The following RGS6 variants were observed in gnomAD, a reference collection of about 807,000 sequenced individuals.
The protein encoded by RGS6 is regulator of G-protein signaling 6.
In RGS6, 30 loss-of-function variants were observed where a neutral mutation model predicts 78.5. That is an observed-to-expected ratio of 0.38 (90% CI 0.29 to 0.52). The LOEUF (loss-of-function observed/expected upper bound fraction) is 0.52, where lower values mean the gene tolerates loss of function less well. Among genes scored for constraint, RGS6 ranks in the 20% least tolerant of loss-of-function variants. The pLI is 0.85. For synonymous variants in RGS6, 206 were observed against 206.0 expected (o/e 1.00, Z 0.00); for missense variants, 495 against 609.7 (o/e 0.81, Z 1.98).
intron 2 of RGS6, among the ~76,000 whole-genome samples, chr14:71,982,726 G>T (rs576840313): frequency 1.3e-5 from 2 of 152,328 alleles, no homozygotes; most frequent in Admixed American, 6.5e-5. Context: ...AGCTCCAATT[G>T]CTGGGCTCAT....
chr14:72,569,267 A>C (rs895738488), downstream of RGS6, among the ~76,000 whole-genome samples: 17 of 152,200 alleles, frequency 1.1e-4, no homozygotes, highest in African/African-American at 4.1e-4. Context: ...CAAAATAGGG[A>C]ATAATTTCAT....
chr14:71,906,353 T>C, the RGS6 span, among the ~76,000 whole-genome samples: 1 of 152,170 alleles, frequency 6.6e-6, no homozygotes, highest in Non-Finnish European at 1.5e-5. Flanking sequence ...TGGCTCCAGA[T>C]CCACCTTACC....
At chr14:72,008,945 T>A (rs904753387) in intron 2 of RGS6, among the ~76,000 whole-genome samples, 3 of 152,038 alleles carry the variant, frequency 2.0e-5, no homozygotes, top group African/African-American at 7.3e-5. Flanking sequence ...TGGATAAGAG[T>A]GGTTCACTGT....
intron 2 of RGS6, among the ~76,000 whole-genome samples, chr14:72,336,470 A>G (rs910292544): frequency 5.3e-5 from 8 of 152,064 alleles, no homozygotes; most frequent in African/African-American, 1.9e-4. Flanking sequence ...AGTTTGGCTC[A>G]TGGAAAGCTG....
chr14:72,067,277 C>T (rs1203498163), intron 2 of RGS6, among the ~76,000 whole-genome samples: 1 of 152,002 alleles, frequency 6.6e-6, no homozygotes, highest in East Asian at 1.9e-4. Context: ...CACGTGGATG[C>T]AGGGAGGGGA....
At chr14:71,942,581 G>C (rs1444040572) in intron 1 of RGS6, among the ~76,000 whole-genome samples, 2 of 152,170 alleles carry the variant, frequency 1.3e-5, no homozygotes, top group Admixed American at 6.5e-5. Context: ...TGAAGTAGCA[G>C]CATCAGAAGT....
intron 2 of RGS6, among the ~76,000 whole-genome samples, chr14:72,221,898 C>G (rs1404873654): frequency 1.3e-5 from 2 of 152,140 alleles, no homozygotes; most frequent in Non-Finnish European, 2.9e-5. Context: ...TTTGCAGCTC[C>G]ATGGGAAGAA....
chr14:72,556,665 C>T (rs1290191039), intron 17 of RGS6, among the ~76,000 whole-genome samples: 1 of 103,964 alleles, frequency 9.6e-6, no homozygotes, highest in Non-Finnish European at 1.7e-5. Context: ...TACCACTGTA[C>T]ATGAGAAGGT....
chr14:72,318,417 C>T (rs554257436), intron 2 of RGS6, among the ~76,000 whole-genome samples: 1 of 106,536 alleles, frequency 9.4e-6, no homozygotes, highest in Non-Finnish European at 2.0e-5. Context: ...GCCACACCCT[C>T]ACAGACACAC....
chr14:72,377,335 A>T (rs1321272540), intron 3 of RGS6, among the ~76,000 whole-genome samples: 1 of 152,238 alleles, frequency 6.6e-6, no homozygotes, highest in Non-Finnish European at 1.5e-5. Context: ...AGATTAATTC[A>T]GCAAGAGAAT....
intron 2 of RGS6, among the ~76,000 whole-genome samples, chr14:72,068,368 C>T (rs920988358): frequency 1.3e-5 from 2 of 151,876 alleles, no homozygotes; most frequent in African/African-American, 4.8e-5. Flanking sequence ...CTTGTGAGCT[C>T]AGGCCATCTG....
intron 2 of RGS6, among the ~76,000 whole-genome samples, chr14:72,250,966 AG>A (rs2055599936): frequency 6.6e-6 from 1 of 152,212 alleles, no homozygotes; most frequent in Admixed American, 6.5e-5. Flanking sequence ...TAAGCATGGA[AG>A]CCATACAAAA....
intron 2 of RGS6, among the ~76,000 whole-genome samples, chr14:72,345,093 G>T (rs1192841600): frequency 6.6e-6 from 1 of 152,212 alleles, no homozygotes; most frequent in African/African-American, 2.4e-5. Flanking sequence ...GCAGTGATCT[G>T]TTGAGGTCTT....
intron 15 of RGS6, among the ~76,000 whole-genome samples, chr14:72,520,043 C>T (rs950909737): frequency 3.9e-5 from 6 of 152,220 alleles, no homozygotes; most frequent in Non-Finnish European, 5.9e-5. Flanking sequence ...CATCAGTACA[C>T]GTCTGATCTT....
chr14:72,543,744 TC>T (rs1224420276), intron 17 of RGS6, among the ~76,000 whole-genome samples: 3 of 152,218 alleles, frequency 2.0e-5, no homozygotes. Flanking sequence ...ATGCTCACCC[TC>T]CCACTGCTTC....
intron 2 of RGS6, among the ~76,000 whole-genome samples, chr14:72,298,453 T>A (rs1213898557): frequency 3.9e-4 from 27 of 69,542 alleles, no homozygotes; most frequent in African/African-American, 3.5e-3. Context: ...TTTTTTTTTT[T>A]TTCCCCCCCT....
At chr14:72,257,029 A>G (rs2153869849) in intron 2 of RGS6, among the ~76,000 whole-genome samples, 1 of 152,290 alleles carries the variant, frequency 6.6e-6, no homozygotes, top group East Asian at 1.9e-4. Context: ...TTACATGAAG[A>G]TGCTTTCTAC....
At chr14:72,285,996 G>A (rs1287191778) in intron 2 of RGS6, among the ~76,000 whole-genome samples, 1 of 152,016 alleles carries the variant, frequency 6.6e-6, no homozygotes, top group Non-Finnish European at 1.5e-5. Context: ...TTCCTTTGCT[G>A]CACAGAGCTT....
At chr14:72,034,813 G>A (rs2091441185) in intron 2 of RGS6, among the ~76,000 whole-genome samples, 1 of 152,028 alleles carries the variant, frequency 6.6e-6, no homozygotes, top group South Asian at 2.1e-4. Flanking sequence ...ATATTGGGAG[G>A]TTTTTGATTA....
Sources: gnomAD v4.1 joint callset for allele counts (sites outside exome capture counted in the v4.1 genomes callset) on GRCh38, gnomAD v4.1.1 for gene constraint, MANE v1.5 for transcripts, NCBI Gene and HGNC (gene_info 2026-07-23, HGNC 2026-07-21) for gene names.